Variants in ITPK1 observed in about 807,000 individuals in gnomAD.
ITPK1 encodes inositol 1,3,4-trisphosphate 5/6-kinase.
ITPK1 carries 21 observed loss-of-function variants against 45.3 expected under a neutral mutation model. That is an observed-to-expected ratio of 0.46 (90% CI 0.33 to 0.67). ITPK1 has a LOEUF of 0.67. Among genes scored for constraint, ITPK1 ranks in the 30% least tolerant of loss-of-function variants. The pLI is 0.02. For synonymous variants in ITPK1, 258 were observed against 253.6 expected, an observed-to-expected ratio of 1.02 and a Z score of -0.16; for missense variants, 474 against 573.5, an observed-to-expected ratio of 0.83 and a Z score of 1.77.
At chr14:92,998,440 C>T (rs374550935) in intron 4 of ITPK1, among the ~76,000 whole-genome samples, 5 of 152,284 alleles carry the variant, frequency 3.3e-5, no homozygotes, top group African/African-American at 4.8e-5. Context: ...CTCCAGGCAG[C>T]GACCTTCCAA....
chr14:92,942,105 C>T (rs1041033794), intron 10 of ITPK1, among the ~76,000 whole-genome samples: 5 of 152,176 alleles, frequency 3.3e-5, no homozygotes, highest in Non-Finnish European at 7.3e-5. Flanking sequence ...CAACCAGGTG[C>T]GTGCTCCTCG....
At chr14:93,051,731 C>T (rs549297912) in intron 3 of ITPK1, among the ~76,000 whole-genome samples, 2 of 152,286 alleles carry the variant, frequency 1.3e-5, no homozygotes, top group East Asian at 3.9e-4. Context: ...CATAGCCAAG[C>T]GTGAAAGCCA....
intron 4 of ITPK1, among the ~76,000 whole-genome samples, chr14:93,007,697 G>T (rs1328933767): frequency 1.3e-5 from 2 of 152,284 alleles, no homozygotes; most frequent in East Asian, 1.9e-4. Flanking sequence ...GCTGCCAGGG[G>T]TGACCTGGCT....
Position 92,941,327 on chromosome 14 carries a change from C to T in ITPK1, c.*234G>A. On this transcript the variant is annotated 3_prime_UTR_variant, in exon 11 of 11. Transcript: ENST00000267615. ...TGTGTAAACTCAGTTAGGAGGTCTG[C>T]ACAGTAGAGAGCAGGCGGACGGCCC... 7.1e-7 allele frequency: 1 copy of T among 1,412,532 alleles called. No homozygotes were observed. The highest frequency in any genetic ancestry group is 1.6e-5 in the South Asian group (1 of 63,528). The allele number at this position is 1,412,532 out of a possible 1,614,324, so 87.5% of individuals were successfully genotyped here.
chr14:92,942,440 T>C (rs1887477896), intron 10 of ITPK1, among the ~76,000 whole-genome samples: 1 of 152,212 alleles, frequency 6.6e-6, no homozygotes, highest in Non-Finnish European at 1.5e-5. Flanking sequence ...TGGAGGCTGC[T>C]GTGGCACTAC....
chr14:92,948,882 G>A (rs577427009), intron 9 of ITPK1, among the ~76,000 whole-genome samples: 1 of 152,064 alleles, frequency 6.6e-6, no homozygotes, highest in South Asian at 2.1e-4. Flanking sequence ...ACCCACACCC[G>A]GATATCACCC....
intron 3 of ITPK1, among the ~76,000 whole-genome samples, chr14:93,022,182 G>C (rs1458508814): frequency 6.6e-6 from 1 of 152,228 alleles, no homozygotes; most frequent in East Asian, 1.9e-4. Context: ...CTGGGTGCTG[G>C]AAGGCCAGGT....
At chr14:93,048,181 T>C (rs1415669710) in intron 3 of ITPK1, among the ~76,000 whole-genome samples, 4 of 152,220 alleles carry the variant, frequency 2.6e-5, no homozygotes, top group Non-Finnish European at 4.4e-5. Context: ...TGCCCAACGG[T>C]CATCCTTTTG....
At chr14:93,108,905 C>A (rs1466420318) in intron 2 of ITPK1, among the ~76,000 whole-genome samples, 1 of 152,060 alleles carries the variant, frequency 6.6e-6, no homozygotes, top group Admixed American at 6.5e-5. Context: ...TCCAGCTACT[C>A]GGGAGGCTAA....
intron 2 of ITPK1, among the ~76,000 whole-genome samples, chr14:93,083,094 A>C (rs1276836512): frequency 1.3e-5 from 2 of 152,164 alleles, no homozygotes; most frequent in African/African-American, 4.8e-5. Context: ...AAGGGAAAAC[A>C]ATAAAGATGA....
intron 3 of ITPK1, among the ~76,000 whole-genome samples, chr14:93,052,036 T>C (rs1450493416): frequency 6.6e-6 from 1 of 152,212 alleles, no homozygotes; most frequent in Non-Finnish European, 1.5e-5. Context: ...CCTTCATCTC[T>C]GCCTGGAGGG....
chr14:93,042,079 T>C (rs1330155760), intron 3 of ITPK1, among the ~76,000 whole-genome samples: 1 of 152,130 alleles, frequency 6.6e-6, no homozygotes, highest in Non-Finnish European at 1.5e-5. Flanking sequence ...AGACTTCCTC[T>C]CACCCAGTCC....
intron 5 of ITPK1, among the ~76,000 whole-genome samples, chr14:92,969,877 T>C (rs780247363): frequency 1.8e-4 from 28 of 152,122 alleles, no homozygotes; most frequent in Non-Finnish European, 1.3e-4. Flanking sequence ...GAAACGGAAA[T>C]GCTCCCGTCT....
At chr14:93,084,833 C>T (rs761935520) in intron 2 of ITPK1, among the ~76,000 whole-genome samples, 1 of 152,226 alleles carries the variant, frequency 6.6e-6, no homozygotes, top group Non-Finnish European at 1.5e-5. Context: ...CTGCCAGGCA[C>T]CCTTCCTCAG....
chr14:93,059,670 G>A (rs867120200), intron 3 of ITPK1, among the ~76,000 whole-genome samples: 1 of 43,408 alleles, frequency 2.3e-5, no homozygotes, highest in African/African-American at 1.1e-4. Context: ...TCACGGTCAC[G>A]AGGCAGGGGT....
In ITPK1 at chr14:93,066,861, A is replaced by G. The variant is rs76432252; in HGVS notation, c.120+9734T>C. Among the ~76,000 whole-genome samples the G allele has an allele frequency of 6.8e-3, 1,028 of 152,256 alleles. 12 individuals carry two copies. Among genetic ancestry groups the G allele is most frequent in the African/African-American group, 0.023 (950 of 41,534 alleles). ...TGCATCTCCATTCCTGGCTTTGACT[A>G]CGATGGTTCTGCGCCCAGCTGGACA... is the stretch of plus-strand genomic sequence containing the variant. On this transcript the variant is annotated intron_variant, in intron 3 of 10. Transcript: ENST00000267615.
chr14:93,101,429 G>A (rs1445358107), intron 2 of ITPK1, among the ~76,000 whole-genome samples: 1 of 152,204 alleles, frequency 6.6e-6, no homozygotes, highest in Non-Finnish European at 1.5e-5. Flanking sequence ...GATGGCCTCT[G>A]CCCTGCACAG....
In ITPK1 at chr14:92,978,951, C is replaced by T. The variant is rs148976070; in HGVS notation, c.364+14929G>A. 2.1e-3 allele frequency among the ~76,000 whole-genome samples: 320 copies of T among 152,270 alleles called. 1 individual carries two copies. Among genetic ancestry groups the T allele is most frequent in the African/African-American group, 7.1e-3 (297 of 41,544 alleles). ...CCAGATCCCAGAATGACAGATCCAC[C>T]GAGAGCTTATACTGTGTCCCTGGAA... is the stretch of plus-strand genomic sequence containing the variant. On this transcript the variant is annotated intron_variant, in intron 5 of 10. Coordinates refer to ENST00000267615, the MANE Select transcript of ITPK1 (RefSeq NM_014216.6).
chr14:93,083,084 A>G (rs949969033), intron 2 of ITPK1, among the ~76,000 whole-genome samples: 5 of 152,174 alleles, frequency 3.3e-5, no homozygotes, highest in Non-Finnish European at 7.4e-5. Flanking sequence ...AGGGGATGAT[A>G]AGGGAAAACA....
Sources: allele counts gnomAD v4.1 joint callset (sites outside exome capture counted in the v4.1 genomes callset), GRCh38; gene constraint gnomAD v4.1.1; transcripts MANE v1.5; gene names NCBI Gene and HGNC (gene_info 2026-07-23, HGNC 2026-07-21).